Variants in TARBP1 observed in about 807,000 individuals in gnomAD.
TARBP1 encodes the protein tRNA guanosine 2 -O-methyltransferase TARBP1, also known as tRNA (guanosine(18)-2'-O)-methyltransferase TARBP1.
In TARBP1, 144 loss-of-function variants were observed where a neutral mutation model predicts 178.6. The observed-to-expected ratio is 0.81, with a 90% confidence interval of 0.70 to 0.93. TARBP1 has a LOEUF of 0.93. Among genes scored for constraint, TARBP1 ranks in the 40% least tolerant of loss-of-function variants. TARBP1 has a pLI of 0.00. For missense variants in TARBP1, 2,067 were observed against 2,011.7 expected (o/e 1.03, Z -0.53); for synonymous variants, 787 against 781.0 (o/e 1.01, Z -0.13).
At chr1:234,395,171 C>T in intron 26 of TARBP1, among the ~76,000 whole-genome samples, 1 of 152,156 alleles carries the variant, frequency 6.6e-6, no homozygotes, top group East Asian at 1.9e-4. Context: ...TTGCAGTGAG[C>T]TGAGATCGTG....
intron 21 of TARBP1, among the ~76,000 whole-genome samples, chr1:234,419,094 C>A (rs1016681253): frequency 6.6e-6 from 1 of 152,006 alleles, no homozygotes. Context: ...ATGGCGTGAA[C>A]CCTGGGGGGC....
intron 12 of TARBP1, among the ~76,000 whole-genome samples, chr1:234,438,180 TC>T (rs1665227418): frequency 6.6e-6 from 1 of 152,168 alleles, no homozygotes; most frequent in Non-Finnish European, 1.5e-5. Context: ...ATCAACATTC[TC>T]CACAGGATTT....
chr1:234,471,466 CTACAT>C (rs1194381201), intron 2 of TARBP1, among the ~76,000 whole-genome samples: 3 of 152,142 alleles, frequency 2.0e-5, no homozygotes, highest in Admixed American at 6.5e-5. Context: ...CACATTACAG[CTACAT>C]TAAAGTCTAC....
At chr1:234,459,140 C>T in intron 8 of TARBP1, 90 bp downstream of exon 8, 1 of 826,004 alleles carries the variant, frequency 1.2e-6, no homozygotes, top group Admixed American at 2.5e-5. Flanking sequence ...TTTCTAATGG[C>T]AGTATCACAG....
At chr1:234,477,458 C>T (rs1307355560) in intron 1 of TARBP1, among the ~76,000 whole-genome samples, 2 of 152,212 alleles carry the variant, frequency 1.3e-5, no homozygotes, top group Non-Finnish European at 2.9e-5. Context: ...AATTTTGAGT[C>T]AATCTACTTT....
intron 3 of TARBP1, among the ~76,000 whole-genome samples, chr1:234,469,698 C>T (rs1049228380): frequency 6.6e-6 from 1 of 152,232 alleles, no homozygotes; most frequent in Non-Finnish European, 1.5e-5. Context: ...CATATGAACA[C>T]AGGCCAAAAC....
intron 25 of TARBP1, chr1:234,400,135 T>G (rs958552078): frequency 6.6e-6 from 1 of 152,078 alleles, no homozygotes; most frequent in African/African-American, 2.4e-5. Flanking sequence ...ACACCTTTAA[T>G]TCATTTCATG....
In TARBP1 at chr1:234,393,837, C is replaced by T. The variant is rs1004147810; in HGVS notation, c.4244G>A (p.Gly1415Asp). Reference protein sequence around the residue: ...KPGDWSQQDIGTNLVEADNQA... With the variant: ...KPGDWSQQDIDTNLVEADNQA... Reference sequence around the variant, plus strand: ...GTTATCTGCTTCGACCAAATTAGTACCTGGGAAGGAAAAAGAAAACAATCC... The same window carrying T: ...GTTATCTGCTTCGACCAAATTAGTATCTGGGAAGGAAAAAGAAAACAATCC... Residue 1415 changes from glycine to aspartate, a missense_variant and splice_region_variant, in exon 27 of 30, where the codon GGT becomes GAT. Transcript: ENST00000040877. 2 of 1,595,014 alleles carry T rather than the reference C, an allele frequency of 1.3e-6. No homozygotes were observed.
intron 26 of TARBP1, among the ~76,000 whole-genome samples, chr1:234,395,395 T>C (rs1659825356): frequency 1.3e-5 from 2 of 152,034 alleles, no homozygotes; most frequent in Non-Finnish European, 1.5e-5. Context: ...ACAATGCCAG[T>C]CTAAATGAAG....
At chr1:234,404,497 C>T (rs545439305) in intron 24 of TARBP1, among the ~76,000 whole-genome samples, 80 of 152,280 alleles carry the variant, frequency 5.3e-4, no homozygotes, top group African/African-American at 1.9e-3. Context: ...CATGTATTCA[C>T]CAAATAATAG....
rs767304895 is a variant in TARBP1, at chr1:234,429,457, C to A, written c.2830G>T (p.Val944Phe). The A allele has an allele frequency of 3.4e-5, 55 of 1,613,784 alleles. No individual in the cohort carries two copies. Among genetic ancestry groups the A allele is most frequent in the Non-Finnish European group, 4.2e-5 (49 of 1,179,946 alleles). ...EALTVLSSDQ[V>F]LPVFHCLKVL... ...TTCAAGCAATGGAACACTGGTAAAA[C>A]TTGATCAGAAGAAAGAACTGTGAGG... is the stretch of plus-strand genomic sequence containing the variant. Residue 944 changes from valine to phenylalanine, a missense_variant, in exon 16 of 30, where the codon GTT (valine) becomes TTT (phenylalanine). By Grantham distance (50) the Val-to-Phe change is conservative (BLOSUM62 -1). Transcript: ENST00000040877.
chr1:234,420,384 G>A (rs1393160215), intron 21 of TARBP1, among the ~76,000 whole-genome samples: 2 of 152,078 alleles, frequency 1.3e-5, no homozygotes, highest in Admixed American at 6.6e-5. Context: ...AGAAAATTAG[G>A]AGTTAAGTAT....
At chr1:234,429,975 T>C in intron 15 of TARBP1, 112 bp downstream of exon 15, 2 of 1,100,438 alleles carry the variant, frequency 1.8e-6, no homozygotes, top group East Asian at 2.4e-5. Flanking sequence ...ACTTTCATCC[T>C]GAATGGAGCT....
chr1:234,439,080 G>C (rs1665324842), intron 12 of TARBP1, among the ~76,000 whole-genome samples: 1 of 152,158 alleles, frequency 6.6e-6, no homozygotes, highest in African/African-American at 2.4e-5. Flanking sequence ...GGGAAACTAA[G>C]AGAACTCACT....
chr1:234,433,580 A>C lies in TARBP1; in HGVS notation c.2233-9T>G. On this transcript the variant is annotated splice_polypyrimidine_tract_variant and intron_variant, in intron 13 of 29. Transcript: ENST00000040877. ...CGATCCAGATCTGAAACCTAAGACA[A>C]GGATTAAAACACTTAAGGGTACAAG... is the stretch of plus-strand genomic sequence containing the variant. The C allele has an allele frequency of 6.2e-7, 1 of 1,607,050 alleles. No individual in the cohort carries two copies. The highest frequency in any genetic ancestry group is 8.5e-7 in the Non-Finnish European group (1 of 1,178,414).
intron 14 of TARBP1, among the ~76,000 whole-genome samples, chr1:234,431,746 T>C (rs1202371859): frequency 2.6e-5 from 4 of 152,184 alleles, no homozygotes; most frequent in Non-Finnish European, 5.9e-5. Flanking sequence ...GGTTAAATAA[T>C]GTAGGTCACA....
intron 5 of TARBP1, among the ~76,000 whole-genome samples, chr1:234,465,051 TATGGATGGATGGATGAACGGATGG>T (rs1225625139): frequency 6.8e-6 from 1 of 148,140 alleles, no homozygotes; most frequent in Non-Finnish European, 1.5e-5. Flanking sequence ...CGGTTCTTAA[TATGGATGGATGGATGAACGGATGG>T]ATGGATGGAT....
intron 14 of TARBP1, among the ~76,000 whole-genome samples, chr1:234,433,065 C>T (rs906444204): frequency 2.6e-5 from 4 of 152,034 alleles, no homozygotes; most frequent in Non-Finnish European, 2.9e-5. Context: ...TGGTAAAACC[C>T]GTCTCCACTA....
At chr1:234,403,650 A>T (rs1029780864) in intron 24 of TARBP1, among the ~76,000 whole-genome samples, 2 of 152,186 alleles carry the variant, frequency 1.3e-5, no homozygotes, top group African/African-American at 4.8e-5. Context: ...CAATCACAGA[A>T]CAGAGGTGGC....
Sources: allele counts gnomAD v4.1 joint callset (sites outside exome capture counted in the v4.1 genomes callset), GRCh38; gene constraint gnomAD v4.1.1; transcripts MANE v1.5; gene names NCBI Gene and HGNC (gene_info 2026-07-23, HGNC 2026-07-21).